Variants in SRSF12 observed in about 807,000 individuals in gnomAD.
SRSF12 encodes the protein serine and arginine rich splicing factor 12.
A neutral mutation model predicts 34.1 loss-of-function variants in SRSF12; 21 were observed. The observed-to-expected ratio is 0.62, with a 90% CI of 0.44 to 0.89. The LOEUF is 0.89. SRSF12 is among the 40% of genes least tolerant of loss of function. The probability of loss-of-function intolerance (pLI) is 0.00; values close to 1 mark genes in which losing one functional copy is unlikely to be tolerated. For synonymous variants in SRSF12, 111 were observed against 110.8 expected, an observed-to-expected ratio of 1.00 and a Z score of -0.01; for missense variants, 278 against 327.8, an observed-to-expected ratio of 0.85 and a Z score of 1.17.
chr6:89,117,816 C>G lies in SRSF12; in HGVS notation c.65+7G>C, dbSNP rs995362902. On this transcript the variant is annotated splice_region_variant and intron_variant, in intron 1 of 4. Coordinates refer to ENST00000452027, the MANE Select transcript of SRSF12 (RefSeq NM_080743.5). ...CGCGCCCCCAACCTGCAGCCGCGGC[C>G]GTTCACCTGGTGGCGTCCGCGACGT... is the stretch of plus-strand genomic sequence containing the variant. 6.4e-7 allele frequency: 1 copy of G among 1,551,608 alleles called. No individual in the cohort carries two copies. Among genetic ancestry groups the G allele is most frequent in the East Asian group, 2.7e-5 (1 of 37,234 alleles).
chr6:89,105,798 G>T (rs78101501), intron 2 of SRSF12: 1 of 203,850 alleles, frequency 4.9e-6, no homozygotes, highest in Non-Finnish European at 9.7e-6. Context: ...TAGTGTGGCT[G>T]CAGTATGCAT....
At chr6:89,105,808 T>C (rs1768756492) in intron 2 of SRSF12, 1 of 188,900 alleles carries the variant, frequency 5.3e-6, no homozygotes, top group African/African-American at 2.3e-5. Context: ...GCAGTATGCA[T>C]GTATAATTTG....
intron 1 of SRSF12, among the ~76,000 whole-genome samples, chr6:89,107,623 C>T (rs1412503474): frequency 2.0e-5 from 3 of 151,818 alleles, no homozygotes; most frequent in East Asian, 3.9e-4. Context: ...CCCAGCTACT[C>T]GGGAGGCTGA....
chr6:89,107,566 C>CA (rs908267988), intron 1 of SRSF12, among the ~76,000 whole-genome samples: 5 of 151,758 alleles, frequency 3.3e-5, no homozygotes, highest in African/African-American at 7.3e-5. Context: ...CCCGTCTCTA[C>CA]AAAAAAATAC....
intron 4 of SRSF12, among the ~76,000 whole-genome samples, chr6:89,101,909 T>C (rs1050170786): frequency 1.3e-5 from 2 of 151,650 alleles, no homozygotes; most frequent in Non-Finnish European, 2.9e-5. Context: ...TAAATAAAGA[T>C]GTTTTCAGAC....
chr6:89,116,150 A>G (rs1769284700), intron 1 of SRSF12, among the ~76,000 whole-genome samples: 2 of 152,100 alleles, frequency 1.3e-5, no homozygotes, highest in Non-Finnish European at 2.9e-5. Flanking sequence ...TTTCTATTTG[A>G]TAGTCCACAC....
chr6:89,105,568 C>A, intron 2 of SRSF12, 38 bp from the exon 3 acceptor site: 1 of 1,392,198 alleles, frequency 7.2e-7, no homozygotes. Flanking sequence ...CATGAGATAT[C>A]AAGTAAACAT....
intron 4 of SRSF12, among the ~76,000 whole-genome samples, chr6:89,101,311 A>G (rs1402052754): frequency 6.6e-6 from 1 of 152,214 alleles, no homozygotes; most frequent in Non-Finnish European, 1.5e-5. Flanking sequence ...GAATTTTACA[A>G]AACTAACAAA....
At chr6:89,108,789 C>CA (rs1482095157) in intron 1 of SRSF12, among the ~76,000 whole-genome samples, 1 of 152,126 alleles carries the variant, frequency 6.6e-6, no homozygotes, top group Non-Finnish European at 1.5e-5. Flanking sequence ...TGATTATATG[C>CA]ATATTAATTA....
chr6:89,115,281 TTTTA>T lies in SRSF12; in HGVS notation c.65+2538_65+2541del, dbSNP rs752324948. 9.9e-5 allele frequency among the ~76,000 whole-genome samples: 15 copies of T among 152,046 alleles called. 2 individuals carry two copies. Among genetic ancestry groups the T allele is most frequent in the Admixed American group, 3.9e-4 (6 of 15,278 alleles). On this transcript the variant is annotated intron_variant, in intron 1 of 4. Coordinates refer to ENST00000452027, the MANE Select transcript of SRSF12 (RefSeq NM_080743.5). ...CACCAGGCTACATTTTATAGCTTTC[TTTTA>T]TTTATTTATTTTTTGAGACAGAGTC...
chr6:89,099,520 AC>A (rs1768438456), intron 4 of SRSF12, among the ~76,000 whole-genome samples: 1 of 138,574 alleles, frequency 7.2e-6, no homozygotes, highest in Admixed American at 7.7e-5. Context: ...ATATATACAC[AC>A]ACACACACAC....
intron 4 of SRSF12, among the ~76,000 whole-genome samples, chr6:89,100,374 A>AAC (rs1331284609): frequency 6.6e-6 from 1 of 152,250 alleles, no homozygotes; most frequent in Non-Finnish European, 1.5e-5. Context: ...TTCAAAGCCA[A>AAC]AACAAGCAGC....
intron 4 of SRSF12, among the ~76,000 whole-genome samples, chr6:89,104,555 CTTTT>C (rs201207511): frequency 6.6e-6 from 1 of 150,672 alleles, no homozygotes; most frequent in Non-Finnish European, 1.5e-5. Flanking sequence ...TTTTTTTTTA[CTTTT>C]TTTTTCTGCT....
chr6:89,107,078 A>G (rs755907180), intron 2 of SRSF12, 76 bp downstream of exon 2: 7 of 1,282,208 alleles, frequency 5.5e-6, no homozygotes, highest in Non-Finnish European at 8.0e-6. Context: ...ATCTCATAAC[A>G]TATGCTACTG....
chr6:89,115,048 G>A (rs950605655), intron 1 of SRSF12, among the ~76,000 whole-genome samples: 4 of 151,906 alleles, frequency 2.6e-5, no homozygotes, highest in South Asian at 2.1e-4. Context: ...TGCCCACCTC[G>A]GCCTCCCAAA....
At chr6:89,112,212 G>A (rs375388793) in intron 1 of SRSF12, among the ~76,000 whole-genome samples, 3 of 151,800 alleles carry the variant, frequency 2.0e-5, no homozygotes, top group African/African-American at 4.8e-5. Flanking sequence ...CACCTCTCCC[G>A]GCCTAAAACT....
rs1768294822 is a variant in SRSF12 at position 89,096,663 on chromosome 6, G to C, written c.*1915C>G. 6.6e-6 allele frequency: 1 copy of C among 152,048 alleles called. No individual in the cohort carries two copies. The highest frequency in any genetic ancestry group is 1.5e-5 in the Non-Finnish European group (1 of 68,020). The allele number at this position is 152,048 out of a possible 1,614,324, so 9.4% of individuals were successfully genotyped here. The stretch of plus-strand genomic sequence containing the variant: ...TTATTATTTTTCACAATGGTACCTA[G>C]TTATTATTATTTTTATAGATAAAGG... On this transcript the variant is annotated 3_prime_UTR_variant, in exon 5 of 5. Transcript: ENST00000452027.
At chr6:89,102,933 T>G (rs192459006) in intron 4 of SRSF12, among the ~76,000 whole-genome samples, 38 of 152,192 alleles carry the variant, frequency 2.5e-4, no homozygotes, top group African/African-American at 7.5e-4. Context: ...TGGCTAATTT[T>G]TTTTAGTTTT....
chr6:89,112,672 A>C (rs1769115636), intron 1 of SRSF12, among the ~76,000 whole-genome samples: 2 of 151,908 alleles, frequency 1.3e-5, no homozygotes, highest in African/African-American at 4.8e-5. Context: ...TTGGCCTCCC[A>C]AAGCACTGGG....
Sources: gnomAD v4.1 joint callset for allele counts (sites outside exome capture counted in the v4.1 genomes callset) on GRCh38, gnomAD v4.1.1 for gene constraint, MANE v1.5 for transcripts, NCBI Gene and HGNC (gene_info 2026-07-23, HGNC 2026-07-21) for gene names.